Variants in EPB41L5 observed in about 807,000 individuals in gnomAD.
The protein encoded by EPB41L5 is band 4.1-like protein 5.
A neutral mutation model predicts 106.6 loss-of-function variants in EPB41L5; 55 were observed. The observed-to-expected ratio is 0.52, with a 90% CI of 0.42 to 0.65. The LOEUF is 0.65. Among genes scored for constraint, EPB41L5 ranks in the 30% least tolerant of loss-of-function variants. The probability of loss-of-function intolerance (pLI) is 0.00; values close to 1 mark genes in which losing one functional copy is unlikely to be tolerated. For missense variants in EPB41L5, 871 were observed against 882.1 expected (o/e 0.99, Z 0.16); for synonymous variants, 297 against 306.7 (o/e 0.97, Z 0.33).
At chr2:120,014,246 T>A (rs1330303469) in intron 1 of EPB41L5, among the ~76,000 whole-genome samples, 1 of 152,256 alleles carries the variant, frequency 6.6e-6, no homozygotes, top group Non-Finnish European at 1.5e-5. Flanking sequence ...GTACTTTTTT[T>A]AACCAACTTC....
chr2:120,014,226 T>C (rs10186008), intron 1 of EPB41L5, among the ~76,000 whole-genome samples: 6,168 of 152,298 alleles, frequency 0.04, 423 homozygotes, highest in African/African-American at 0.14. Context: ...GACTAACTTT[T>C]GGGTTTTGGG....
chr2:120,015,019 T>C (rs2105102811), intron 1 of EPB41L5, among the ~76,000 whole-genome samples: 1 of 151,534 alleles, frequency 6.6e-6, no homozygotes, highest in African/African-American at 2.4e-5. Context: ...CATATTATTT[T>C]TTTTTTCCAT....
At chr2:120,159,994 C>T (rs550146877) in intron 20 of EPB41L5, among the ~76,000 whole-genome samples, 32 of 152,204 alleles carry the variant, frequency 2.1e-4, no homozygotes, top group Middle Eastern at 3.4e-3. Flanking sequence ...CCAAATACTG[C>T]GTAAAGTGGG....
intron 3 of EPB41L5, among the ~76,000 whole-genome samples, chr2:120,045,345 G>A (rs536317164): frequency 1.3e-5 from 2 of 152,226 alleles, no homozygotes; most frequent in Middle Eastern, 3.4e-3. Context: ...TTACGTTCAT[G>A]TACACATATT....
intron 14 of EPB41L5, among the ~76,000 whole-genome samples, chr2:120,097,799 A>T (rs1370222743): frequency 6.6e-6 from 1 of 152,234 alleles, no homozygotes; most frequent in African/African-American, 2.4e-5. Flanking sequence ...CTTCATATTC[A>T]TGGAAGTGAA....
intron 16 of EPB41L5, 124 bp downstream of exon 16, chr2:120,100,938 A>G (rs949937806): frequency 7.6e-6 from 5 of 656,458 alleles, no homozygotes; most frequent in African/African-American, 5.5e-5. Flanking sequence ...GTGAGCTGGA[A>G]AGCTTATTAT....
chr2:120,024,155 T>G (rs774165301), intron 2 of EPB41L5, among the ~76,000 whole-genome samples: 7 of 152,216 alleles, frequency 4.6e-5, no homozygotes, highest in Non-Finnish European at 1.0e-4. Context: ...TCTTCCCATC[T>G]GAATACGCTT....
At chr2:120,021,155 A>T (rs919817287) in intron 2 of EPB41L5, among the ~76,000 whole-genome samples, 1 of 152,008 alleles carries the variant, frequency 6.6e-6, no homozygotes, top group Non-Finnish European at 1.5e-5. Context: ...AGCCTGGCCA[A>T]CATGGTGAAA....
chr2:120,070,202 C>T (rs1224939480), intron 3 of EPB41L5, among the ~76,000 whole-genome samples: 1 of 152,162 alleles, frequency 6.6e-6, no homozygotes, highest in Non-Finnish European at 1.5e-5. Flanking sequence ...ATTGTAAACA[C>T]CTCTACACAA....
At chr2:120,093,338 A>G (rs1172666604) in intron 14 of EPB41L5, 62 bp downstream of exon 14, 2 of 1,346,982 alleles carry the variant, frequency 1.5e-6, no homozygotes, top group East Asian at 4.6e-5. Context: ...AGTTGCTATC[A>G]TTAAACAAAT....
intron 18 of EPB41L5, among the ~76,000 whole-genome samples, chr2:120,142,299 A>C (rs1340156542): frequency 6.6e-6 from 1 of 152,052 alleles, no homozygotes; most frequent in Non-Finnish European, 1.5e-5. Context: ...TTTATGACCT[A>C]TCAAGATCTA....
intron 20 of EPB41L5, 171 bp from the exon 21 acceptor site, chr2:120,160,710 A>G (rs1229987935): frequency 5.2e-6 from 3 of 581,102 alleles, no homozygotes; most frequent in Non-Finnish European, 9.2e-6. Context: ...CTGGAGCGAG[A>G]TGATGTCTCA....
chr2:120,167,914 A>T lies in EPB41L5; in HGVS notation c.2042A>T (p.Glu681Val), dbSNP rs1325782137. The T allele has an allele frequency of 6.2e-7, 1 of 1,614,102 alleles. No homozygotes were observed. Among genetic ancestry groups the T allele is most frequent in the Admixed American group, 1.7e-5 (1 of 60,004 alleles). Reference sequence around the variant, plus strand: ...ATGTCTAATGGACTTGCGGGATGTGAAATGCTTTTGACAGGGAAGGAGGGA... The same window carrying T: ...ATGTCTAATGGACTTGCGGGATGTGTAATGCTTTTGACAGGGAAGGAGGGA... ...GAMSNGLAGCEMLLTGKEGHG... is the reference protein window; with the variant it reads ...GAMSNGLAGCVMLLTGKEGHG... Residue 681 changes from glutamate (E) to valine (V), a missense_variant, in exon 24 of 25, where the codon GAA becomes GTA. Physicochemically the swap from Glu to Val is moderately radical, Grantham distance 121. Transcript: ENST00000263713.
chr2:120,088,707 C>T (rs1364021889), intron 11 of EPB41L5, among the ~76,000 whole-genome samples: 2 of 144,764 alleles, frequency 1.4e-5, no homozygotes, highest in Non-Finnish European at 3.1e-5. Flanking sequence ...TATACTCCCA[C>T]CAGCAATGTT....
intron 3 of EPB41L5, among the ~76,000 whole-genome samples, chr2:120,049,238 A>G (rs1680046133): frequency 6.6e-6 from 1 of 152,122 alleles, no homozygotes; most frequent in Non-Finnish European, 1.5e-5. Context: ...TGTCTTGTTG[A>G]TCTGTCTGAT....
At chr2:120,054,986 C>G (rs1680548353) in intron 3 of EPB41L5, among the ~76,000 whole-genome samples, 1 of 151,776 alleles carries the variant, frequency 6.6e-6, no homozygotes, top group African/African-American at 2.4e-5. Flanking sequence ...CCTGCCTCAG[C>G]CTCCCAAGCA....
intron 10 of EPB41L5, among the ~76,000 whole-genome samples, chr2:120,081,343 C>T (rs1292196198): frequency 1.3e-5 from 2 of 152,130 alleles, no homozygotes; most frequent in African/African-American, 2.4e-5. Context: ...CCAGTTTTCC[C>T]GGCACCATTT....
intron 3 of EPB41L5, among the ~76,000 whole-genome samples, chr2:120,065,752 G>T (rs1681405763): frequency 6.6e-6 from 1 of 152,098 alleles, no homozygotes; most frequent in Non-Finnish European, 1.5e-5. Context: ...CCTGACCTCA[G>T]GTGATTGCCC....
intron 16 of EPB41L5, among the ~76,000 whole-genome samples, chr2:120,116,892 T>G (rs1684969815): frequency 6.6e-6 from 1 of 152,126 alleles, no homozygotes; most frequent in Non-Finnish European, 1.5e-5. Context: ...ACTAGTGTGT[T>G]TGTGAAAACA....
Sources: gnomAD v4.1 joint callset for allele counts (sites outside exome capture counted in the v4.1 genomes callset) on GRCh38, gnomAD v4.1.1 for gene constraint, MANE v1.5 for transcripts, NCBI Gene and HGNC (gene_info 2026-07-23, HGNC 2026-07-21) for gene names.